The following ADGRF4 variants were observed in gnomAD, a reference collection of about 807,000 sequenced individuals.
The protein encoded by ADGRF4 is G-protein coupled receptor PGR18.
In ADGRF4, 63 loss-of-function variants were observed where a neutral mutation model predicts 58.5. That is an observed-to-expected ratio of 1.08 (90% CI 0.88 to 1.33). The LOEUF is 1.33. ADGRF4 is among the 40% of genes most tolerant of loss of function. The probability of loss-of-function intolerance (pLI) is 0.00; values close to 1 mark genes in which losing one functional copy is unlikely to be tolerated. For missense variants in ADGRF4, 931 were observed against 843.9 expected, an observed-to-expected ratio of 1.10 and a Z score of -1.28; for synonymous variants, 313 against 295.4, an observed-to-expected ratio of 1.06 and a Z score of -0.61.
At chr6:47,704,460 C>T (rs983058289) in intron 1 of ADGRF4, among the ~76,000 whole-genome samples, 1 of 152,118 alleles carries the variant, frequency 6.6e-6, no homozygotes, top group Non-Finnish European at 1.5e-5. Context: ...TTATTTGGTC[C>T]TGAGAATAGG....
chr6:47,709,776 G>T (rs995715501), intron 3 of ADGRF4, among the ~76,000 whole-genome samples: 2 of 152,034 alleles, frequency 1.3e-5, no homozygotes, highest in African/African-American at 2.4e-5. Context: ...GCTGGACAAG[G>T]TGATGCTTTA....
chr6:47,699,090 TC>T (rs1220804664), intron 1 of ADGRF4, among the ~76,000 whole-genome samples: 1 of 152,200 alleles, frequency 6.6e-6, no homozygotes, highest in Non-Finnish European at 1.5e-5. Context: ...CCCTGCATTG[TC>T]CCCTTGCTTG....
intron 6 of ADGRF4, among the ~76,000 whole-genome samples, chr6:47,716,211 G>A (rs1308161834): frequency 6.6e-6 from 1 of 151,452 alleles, no homozygotes; most frequent in Admixed American, 6.6e-5. Flanking sequence ...TTCTCAGCAA[G>A]CTCTTCCTAA....
In ADGRF4 at chr6:47,714,587, G is replaced by A. The variant is rs889118088; in HGVS notation, c.1342G>A (p.Val448Met). ...MRHVCIVNIAVSLLTANVWFI... is the reference protein window; with the variant it reads ...MRHVCIVNIAMSLLTANVWFI... ...TCACGTGTGCATCGTGAATATAGCA[G>A]TGTCCCTTCTGACTGCCAATGTGTG... Residue 448 changes from valine (V) to methionine (M), a missense_variant, in exon 6 of 10, where the codon GTG (valine) becomes ATG (methionine). Val to Met is a conservative substitution (Grantham distance 21). Coordinates refer to ENST00000283303, the MANE Select transcript of ADGRF4 (RefSeq NM_153838.5). 2 of 1,614,050 alleles carry A rather than the reference G, an allele frequency of 1.2e-6. No individual in the cohort carries two copies. Among genetic ancestry groups the A allele is most frequent in the Non-Finnish European group, 1.7e-6 (2 of 1,180,034 alleles).
At chr6:47,713,749 A>G (rs771739259) in intron 5 of ADGRF4, 49 bp from the exon 6 acceptor site, 2 of 1,390,888 alleles carry the variant, frequency 1.4e-6, no homozygotes, top group Non-Finnish European at 1.9e-6. Context: ...TCAACTTTGT[A>G]CAACAATGTG....
intron 9 of ADGRF4, 23 bp downstream of exon 9, chr6:47,718,468 G>C (rs1474025662): frequency 8.8e-6 from 12 of 1,367,976 alleles, no homozygotes; most frequent in Non-Finnish European, 1.3e-5. Context: ...AATATAAAGA[G>C]AAATTTCACT....
At chr6:47,704,090 C>T (rs1261185842) in intron 1 of ADGRF4, among the ~76,000 whole-genome samples, 2 of 151,604 alleles carry the variant, frequency 1.3e-5, no homozygotes, top group South Asian at 2.1e-4. Context: ...GCTCTTGTCA[C>T]CCAGGCTACA....
rs1260042296 is a variant in ADGRF4, at chr6:47,710,751, T to C, written c.165T>C (p.Pro55=). The change falls in exon 4 of 10, where the codon CCT becomes CCC. Residue 55 remains proline, a synonymous_variant. Transcript: ENST00000283303. ...TGRIQEKCEG[P]CISSSNCSQP... is the part of the protein sequence containing the mutation. ...TCTTTATAGAGAAATGCGAAGGACC[T>C]TGTATTTCTTCTTCCAACTGCAGCC... 3 of 1,606,960 alleles carry C rather than the reference T, an allele frequency of 1.9e-6. No homozygotes were observed. The highest frequency in any genetic ancestry group is 2.5e-6 in the Non-Finnish European group (3 of 1,177,816).
At chr6:47,705,162 C>T (rs1457680797) in intron 1 of ADGRF4, among the ~76,000 whole-genome samples, 1 of 152,132 alleles carries the variant, frequency 6.6e-6, no homozygotes, top group East Asian at 1.9e-4. Context: ...CTCCTGACCT[C>T]GTGATCTGCC....
intron 1 of ADGRF4, among the ~76,000 whole-genome samples, chr6:47,704,914 G>A (rs540248170): frequency 2.9e-4 from 44 of 151,950 alleles, no homozygotes; most frequent in Admixed American, 7.9e-4. Context: ...GTTTTTTATT[G>A]TGTCATTGTC....
At chr6:47,706,481 T>C (rs919072580) in intron 1 of ADGRF4, among the ~76,000 whole-genome samples, 3 of 152,226 alleles carry the variant, frequency 2.0e-5, no homozygotes, top group Non-Finnish European at 4.4e-5. Context: ...AGACAGACAG[T>C]ACACTATAGG....
At chr6:47,716,953 T>A in intron 7 of ADGRF4, 106 bp downstream of exon 7, 1 of 778,774 alleles carries the variant, frequency 1.3e-6, no homozygotes, top group Non-Finnish European at 2.2e-6. Context: ...GAGTTGAGTT[T>A]GTGAGGATGG....
intron 2 of ADGRF4, 151 bp downstream of exon 2, chr6:47,707,489 C>A (rs1020127877): frequency 1.6e-5 from 10 of 633,430 alleles, no homozygotes; most frequent in African/African-American, 7.3e-5. Context: ...AAGAAGGGAA[C>A]AAAGAAAAGC....
At chr6:47,720,007 G>T (rs946101815) in intron 9 of ADGRF4, among the ~76,000 whole-genome samples, 1 of 152,172 alleles carries the variant, frequency 6.6e-6, no homozygotes, top group African/African-American at 2.4e-5. Context: ...TGTGCCTATT[G>T]AATTTTCTCA....
chr6:47,708,513 A>G lies in ADGRF4; in HGVS notation c.148+235A>G, dbSNP rs75327517. 4.3e-3 allele frequency among the ~76,000 whole-genome samples: 662 copies of G among 152,360 alleles called. 3 individuals are homozygous for G. The highest frequency in any genetic ancestry group is 0.014 in the African/African-American group (576 of 41,590). On this transcript the variant is annotated intron_variant, in intron 3 of 9. Transcript: ENST00000283303. ...ACATGTGCTCTAGAATAGTAGACAAATACATACTTCCAAATCCCAAAGAGA... is the reference window on the plus strand; with the variant it reads ...ACATGTGCTCTAGAATAGTAGACAAGTACATACTTCCAAATCCCAAAGAGA...
chr6:47,717,641 A>G (rs1282943338), intron 8 of ADGRF4, among the ~76,000 whole-genome samples: 4 of 152,252 alleles, frequency 2.6e-5, no homozygotes, highest in Non-Finnish European at 5.9e-5. Context: ...GTAAAATGTG[A>G]GAGCGCTGAA....
At chr6:47,715,245 A>G (rs575297099) in intron 6 of ADGRF4, 68 bp downstream of exon 6, 1 of 1,127,802 alleles carries the variant, frequency 8.9e-7, no homozygotes, top group Non-Finnish European at 1.3e-6. Context: ...CTATGATTTG[A>G]AATTATATAA....
At chr6:47,710,072 T>A (rs1374055840) in intron 3 of ADGRF4, among the ~76,000 whole-genome samples, 1 of 152,146 alleles carries the variant, frequency 6.6e-6, no homozygotes, top group East Asian at 1.9e-4. Flanking sequence ...TTAAATAAGG[T>A]ATCTTTATAT....
At chr6:47,717,009 C>T (rs1772036985) in intron 7 of ADGRF4, among the ~76,000 whole-genome samples, 162 bp downstream of exon 7, 1 of 152,098 alleles carries the variant, frequency 6.6e-6, no homozygotes, top group Admixed American at 6.5e-5. Flanking sequence ...CACCAATATT[C>T]TGTCATTTCT....
Sources: allele counts gnomAD v4.1 joint callset (sites outside exome capture counted in the v4.1 genomes callset), GRCh38; gene constraint gnomAD v4.1.1; transcripts MANE v1.5; gene names NCBI Gene and HGNC (gene_info 2026-07-23, HGNC 2026-07-21).